Variants in ACMSD observed in about 807,000 individuals in gnomAD.
ACMSD encodes 2-amino-3-carboxymuconate-6-semialdehyde decarboxylase.
In ACMSD, 37 loss-of-function variants were observed where a neutral mutation model predicts 45.9. The ratio of observed to expected loss-of-function variants is 0.81; its 90% CI spans 0.62 to 1.06. The LOEUF (loss-of-function observed/expected upper bound fraction) is 1.06, where lower values mean the gene tolerates loss of function less well. ACMSD is among the 50% of genes least tolerant of loss of function. The probability of loss-of-function intolerance (pLI) is 0.00; values close to 1 mark genes in which losing one functional copy is unlikely to be tolerated. For missense variants in ACMSD, 434 were observed against 420.9 expected (o/e 1.03, Z -0.27); for synonymous variants, 138 against 148.8 (o/e 0.93, Z 0.53).
At chr2:134,852,684 T>C (rs1462538736) in intron 2 of ACMSD, among the ~76,000 whole-genome samples, 1 of 151,980 alleles carries the variant, frequency 6.6e-6, no homozygotes, top group Non-Finnish European at 1.5e-5. Context: ...CTTCAGAACC[T>C]GGGAATGTGG....
At chr2:134,841,446 T>C (rs1282788544) in intron 1 of ACMSD, among the ~76,000 whole-genome samples, 1 of 152,136 alleles carries the variant, frequency 6.6e-6, no homozygotes, top group Non-Finnish European at 1.5e-5. Context: ...GACGGGGATT[T>C]GAGAAATCTT....
intron 1 of ACMSD, among the ~76,000 whole-genome samples, chr2:134,844,839 T>A (rs6430543): frequency 0.51 from 77,407 of 151,984 alleles, 20,633 homozygotes; most frequent in Middle Eastern, 0.82. Context: ...CACAATCTAC[T>A]CATGGATTGC....
At chr2:134,854,878 C>G (rs4954191) in intron 2 of ACMSD, among the ~76,000 whole-genome samples, 91,411 of 151,826 alleles carry the variant, frequency 0.6, 29,546 homozygotes, top group Middle Eastern at 0.91. Flanking sequence ...AGTGCTGCTA[C>G]TAAGTAATTT....
intron 4 of ACMSD, chr2:134,863,012 G>C: frequency 2.0e-6 from 2 of 985,408 alleles, no homozygotes; most frequent in Non-Finnish European, 2.4e-6. Flanking sequence ...GAGGTGCCTT[G>C]ATGGTGGCCT....
chr2:134,883,465 T>C (rs1689159441), intron 8 of ACMSD, among the ~76,000 whole-genome samples: 2 of 152,178 alleles, frequency 1.3e-5, no homozygotes, highest in South Asian at 4.1e-4. Context: ...ATAATCAATT[T>C]GCAGTTATGA....
intron 3 of ACMSD, among the ~76,000 whole-genome samples, chr2:134,860,822 T>G (rs950553120): frequency 1.5e-5 from 2 of 129,942 alleles, no homozygotes; most frequent in Admixed American, 1.8e-4. Flanking sequence ...GAGTTCAGGA[T>G]CAGTCTGGGA....
At chr2:134,895,866 A>G (rs980351292) in intron 8 of ACMSD, among the ~76,000 whole-genome samples, 1 of 152,226 alleles carries the variant, frequency 6.6e-6, no homozygotes, top group Admixed American at 6.5e-5. Context: ...CGTCTCAAAA[A>G]AGAAAATGCA....
intron 2 of ACMSD, chr2:134,857,912 G>A (rs1385665518): frequency 6.6e-6 from 1 of 151,114 alleles, no homozygotes; most frequent in East Asian, 2.0e-4. Flanking sequence ...ATTTATTGAG[G>A]TTTTTTAAAG....
At chr2:134,840,162 C>T (rs970336136) in intron 1 of ACMSD, among the ~76,000 whole-genome samples, 3 of 46,310 alleles carry the variant, frequency 6.5e-5, no homozygotes, top group Non-Finnish European at 1.1e-4. Flanking sequence ...ATAAACTATA[C>T]CTAGCAAAAA....
intron 8 of ACMSD, among the ~76,000 whole-genome samples, chr2:134,874,771 C>A (rs1016466842): frequency 1.3e-5 from 2 of 151,932 alleles, no homozygotes; most frequent in African/African-American, 4.8e-5. Context: ...CAGCAGTGAG[C>A]AATATTTGTA....
intron 5 of ACMSD, among the ~76,000 whole-genome samples, chr2:134,865,551 C>T (rs1227630639): frequency 6.6e-6 from 1 of 152,202 alleles, no homozygotes; most frequent in African/African-American, 2.4e-5. Context: ...TTCAGGAGCA[C>T]ATCCTGTCCC....
intron 8 of ACMSD, among the ~76,000 whole-genome samples, chr2:134,887,638 A>C (rs921169436): frequency 3.3e-5 from 5 of 152,200 alleles, no homozygotes; most frequent in African/African-American, 1.2e-4. Context: ...TCCTGGCTTC[A>C]AGTTATCCTC....
intron 7 of ACMSD, among the ~76,000 whole-genome samples, chr2:134,871,682 G>GACACACACACACACACACACACAC: frequency 1.4e-5 from 2 of 139,006 alleles, no homozygotes; most frequent in African/African-American, 5.5e-5. Flanking sequence ...TCAACAGACA[G>GACACACACACACACACACACACAC]ACACACACAC....
intron 1 of ACMSD, among the ~76,000 whole-genome samples, chr2:134,843,453 G>A (rs1314312922): frequency 6.6e-6 from 1 of 152,132 alleles, no homozygotes; most frequent in Non-Finnish European, 1.5e-5. Flanking sequence ...AGCTGTTGAG[G>A]CAGACCCCAG....
At chr2:134,854,797 G>A (rs907604310) in intron 2 of ACMSD, among the ~76,000 whole-genome samples, 5 of 147,826 alleles carry the variant, frequency 3.4e-5, no homozygotes, top group African/African-American at 7.5e-5. Context: ...AGCATGACAA[G>A]TATAATGATC....
intron 5 of ACMSD, chr2:134,867,257 G>C (rs1157627781): frequency 1.7e-5 from 3 of 177,282 alleles, no homozygotes; most frequent in Non-Finnish European, 3.5e-5. Context: ...ATTAGTCCTT[G>C]AGCATTTTGC....
At chr2:134,875,747 C>T (rs557769491) in intron 8 of ACMSD, among the ~76,000 whole-genome samples, 1 of 152,350 alleles carries the variant, frequency 6.6e-6, no homozygotes, top group African/African-American at 2.4e-5. Context: ...GTCATACGCT[C>T]ATTATGAGTA....
intron 1 of ACMSD, 71 bp downstream of exon 1, chr2:134,838,810 G>A: frequency 8.0e-7 from 1 of 1,250,532 alleles, no homozygotes; most frequent in African/African-American, 1.5e-5. Flanking sequence ...TCTCTTCTTT[G>A]TGGAATTAGA....
intron 1 of ACMSD, among the ~76,000 whole-genome samples, chr2:134,839,924 G>A (rs537641855): frequency 1.3e-5 from 2 of 152,110 alleles, no homozygotes; most frequent in South Asian, 4.2e-4. Context: ...GAATGCACCA[G>A]TTACTTTGTG....
Sources: gnomAD v4.1 joint callset for allele counts (sites outside exome capture counted in the v4.1 genomes callset) on GRCh38, gnomAD v4.1.1 for gene constraint, MANE v1.5 for transcripts, NCBI Gene and HGNC (gene_info 2026-07-23, HGNC 2026-07-21) for gene names.